The following PALLD variants were observed in gnomAD, a reference collection of about 807,000 sequenced individuals.
PALLD encodes palladin, cytoskeletal associated protein, also known as palladin.
In PALLD, 61 loss-of-function variants were observed where a neutral mutation model predicts 123.5. The observed-to-expected ratio is 0.49, with a 90% CI of 0.40 to 0.61. PALLD has a LOEUF of 0.61. Among genes scored for constraint, PALLD ranks in the 20% least tolerant of loss-of-function variants. The pLI is 0.00. For missense variants in PALLD, 1,273 were observed against 1,377.0 expected, an observed-to-expected ratio of 0.92 and a Z score of 1.20; for synonymous variants, 465 against 496.4, an observed-to-expected ratio of 0.94 and a Z score of 0.84.
intron 10 of PALLD, among the ~76,000 whole-genome samples, chr4:168,727,590 T>G (rs114051045): frequency 0.012 from 1,758 of 152,296 alleles, 48 homozygotes; most frequent in African/African-American, 0.04. Flanking sequence ...TTAAGTTCCT[T>G]ATAGGTTCTG....
chr4:168,705,804 T>C (rs543626128), intron 8 of PALLD, among the ~76,000 whole-genome samples: 39 of 152,156 alleles, frequency 2.6e-4, no homozygotes, highest in South Asian at 6.2e-4. Flanking sequence ...GCCTGGCTAA[T>C]TTTTTTGTGT....
rs1989711 is a variant in PALLD at position 168,555,481 on chromosome 4, C to G, written c.908+43069C>G. ...CACCGCAGCGAGCCCTCTGTGGACCCGCTTTGCTGAGAAAACTTGCTGCTC... is the reference window on the plus strand; with the variant it reads ...CACCGCAGCGAGCCCTCTGTGGACCGGCTTTGCTGAGAAAACTTGCTGCTC... On this transcript the variant is annotated intron_variant, in intron 2 of 21. Transcript: ENST00000505667. Among the ~76,000 whole-genome samples the G allele has an allele frequency of 4.2e-3, 643 of 152,272 alleles. 3 individuals are homozygous for G. Among genetic ancestry groups the G allele is most frequent in the Middle Eastern group, 0.014 (4 of 294 alleles).
intron 10 of PALLD, among the ~76,000 whole-genome samples, chr4:168,751,079 C>A (rs1731003360): frequency 6.6e-6 from 1 of 151,052 alleles, no homozygotes; most frequent in Admixed American, 6.6e-5. Context: ...ATGGCACAAT[C>A]TTGGCTCACC....
At position 168,891,049 on chromosome 4, in the gene PALLD, G is replaced by T. The variant is rs143417961; in HGVS notation, c.2092G>T (p.Gly698Cys). Residue 698 changes from glycine to cysteine, a missense_variant, in exon 11 of 22, where the codon GGC (glycine) becomes TGC (cysteine). Physicochemically the swap from Gly to Cys is radical, Grantham distance 159 (BLOSUM62 -3). This residue lies in a region of PALLD where 944 missense variants were observed against 954.5 expected (regional missense o/e 0.99). Coordinates refer to ENST00000505667, the MANE Select transcript of PALLD (RefSeq NM_001166108.2). ...LRFKEDLLNN[G>C]QPRLTYEERM... ...CTTCAAGGAGGACCTCCTGAACAAT[G>T]GCCAGCCGGTACTGATAGATTTGGG... 11 of 1,613,990 alleles carry T rather than the reference G, an allele frequency of 6.8e-6. No homozygotes were observed. In the African/African-American group the frequency reaches 1.3e-4, roughly 20 times the overall value.
chr4:168,804,988 A>G (rs941791379), intron 10 of PALLD, among the ~76,000 whole-genome samples: 11 of 152,024 alleles, frequency 7.2e-5, no homozygotes, highest in African/African-American at 1.5e-4. Context: ...GTGAAACCCC[A>G]TCTCTACTAA....
chr4:168,780,137 G>A (rs1684558563), intron 10 of PALLD, among the ~76,000 whole-genome samples: 1 of 152,160 alleles, frequency 6.6e-6, no homozygotes, highest in Non-Finnish European at 1.5e-5. Flanking sequence ...GACCTCAAGT[G>A]ATTCGCCCAC....
intron 2 of PALLD, among the ~76,000 whole-genome samples, chr4:168,566,271 T>C (rs957504107): frequency 3.3e-5 from 5 of 152,154 alleles, no homozygotes; most frequent in Admixed American, 6.6e-5. Context: ...GAGACATTTA[T>C]CTATACTAAT....
intron 2 of PALLD, among the ~76,000 whole-genome samples, chr4:168,514,793 A>G (rs1762844525): frequency 2.6e-5 from 4 of 152,232 alleles, no homozygotes; most frequent in African/African-American, 9.6e-5. Flanking sequence ...TTAAAAAATG[A>G]CAGAAAGCAG....
At chr4:168,673,214 A>G (rs1433386583) in intron 3 of PALLD, among the ~76,000 whole-genome samples, 4 of 152,234 alleles carry the variant, frequency 2.6e-5, no homozygotes, top group African/African-American at 9.6e-5. Flanking sequence ...AGGGGGGCAG[A>G]GTAACCCAGT....
intron 1 of PALLD, chr4:168,505,026 A>G (rs1441060880): frequency 6.6e-6 from 1 of 152,204 alleles, no homozygotes; most frequent in Non-Finnish European, 1.5e-5. Flanking sequence ...ATTGTGTTTC[A>G]TTCCTTTTGA....
At chr4:168,884,721 C>A (rs1185304625) in intron 10 of PALLD, among the ~76,000 whole-genome samples, 1 of 152,350 alleles carries the variant, frequency 6.6e-6, no homozygotes, top group East Asian at 1.9e-4. Context: ...GGGTTATTTG[C>A]ACATTCTTGT....
intron 10 of PALLD, among the ~76,000 whole-genome samples, chr4:168,820,956 A>G (rs1581637540): frequency 6.6e-6 from 1 of 152,248 alleles, no homozygotes; most frequent in Non-Finnish European, 1.5e-5. Flanking sequence ...GAGGATCGCA[A>G]TAAGAGTTAT....
intron 21 of PALLD, 37 bp downstream of exon 21, chr4:168,925,315 G>A: frequency 2.0e-6 from 3 of 1,479,824 alleles, no homozygotes; most frequent in South Asian, 1.1e-5. Context: ...AGCAAAATAT[G>A]CATGTTGATT....
intron 2 of PALLD, among the ~76,000 whole-genome samples, chr4:168,608,299 G>A (rs1457076157): frequency 2.6e-5 from 4 of 152,190 alleles, no homozygotes; most frequent in Non-Finnish European, 5.9e-5. Context: ...CCTGCTCATA[G>A]CAAGCCCTGC....
intron 6 of PALLD, among the ~76,000 whole-genome samples, chr4:168,689,415 A>G (rs1312519099): frequency 2.3e-5 from 3 of 132,234 alleles, no homozygotes; most frequent in African/African-American, 5.7e-5. Context: ...CCTACACCTT[A>G]CATTCGATCC....
intron 10 of PALLD, chr4:168,878,150 T>TGGCCCC: frequency 2.7e-6 from 4 of 1,486,610 alleles, no homozygotes; most frequent in Non-Finnish European, 3.6e-6. Context: ...CTCCTCGCCG[T>TGGCCCC]CGCCCCCGCC....
chr4:168,786,603 G>A (rs1483524545), intron 10 of PALLD, among the ~76,000 whole-genome samples: 2 of 152,200 alleles, frequency 1.3e-5, no homozygotes, highest in African/African-American at 2.4e-5. Context: ...GCAGGAGGTC[G>A]AGGCTGCAGT....
Position 168,890,964 on chromosome 4 carries a change from C to T in PALLD, c.2007C>T (p.Ser669=), listed in dbSNP as rs561075148. 3.6e-5 allele frequency: 58 copies of T among 1,613,552 alleles called. No homozygotes were observed. The highest frequency in any genetic ancestry group is 1.1e-4 in the South Asian group (10 of 91,070). The change falls in exon 11 of 22, where the codon TCC becomes TCT. Residue 669 remains serine, a synonymous_variant. Coordinates refer to ENST00000505667, the MANE Select transcript of PALLD (RefSeq NM_001166108.2). The part of the protein sequence containing the change: ...KKASRTARIA[S]DEEIQGTKDA... ...CCAGTAGAACTGCTAGAATAGCCTCCGATGAGGAAATTCAAGGCACAAAGG... is the reference window on the plus strand; with the variant it reads ...CCAGTAGAACTGCTAGAATAGCCTCTGATGAGGAAATTCAAGGCACAAAGG...
At chr4:168,521,014 T>A (rs1763510027) in intron 2 of PALLD, among the ~76,000 whole-genome samples, 1 of 152,128 alleles carries the variant, frequency 6.6e-6, no homozygotes, top group Non-Finnish European at 1.5e-5. Flanking sequence ...AAGAAAACAA[T>A]AAACACCAAA....
Sources: gnomAD v4.1 joint callset for allele counts (sites outside exome capture counted in the v4.1 genomes callset) on GRCh38, gnomAD v4.1.1 for gene constraint, gnomAD v4.1.1 regional missense constraint, MANE v1.5 for transcripts, NCBI Gene and HGNC (gene_info 2026-07-23, HGNC 2026-07-21) for gene names.